ATP2A3: variants seen among roughly 807,000 people sequenced by gnomAD.
ATP2A3 encodes sarcoplasmic/endoplasmic reticulum calcium ATPase 3.
A neutral mutation model predicts 106.8 loss-of-function variants in ATP2A3; 61 were observed. The observed-to-expected ratio is 0.57, with a 90% CI of 0.46 to 0.71. The LOEUF (loss-of-function observed/expected upper bound fraction) is 0.71. Among genes scored for constraint, ATP2A3 ranks in the 30% least tolerant of loss-of-function variants. ATP2A3 has a pLI of 0.00. For missense variants in ATP2A3, 1,201 were observed against 1,423.5 expected, an observed-to-expected ratio of 0.84 and a Z score of 2.52; for synonymous variants, 611 against 609.3, an observed-to-expected ratio of 1.00 and a Z score of -0.04.
In ATP2A3 at chr17:3,925,283, G is replaced by C; in HGVS notation, c.*139C>G. The C allele has an allele frequency of 6.8e-7, 1 of 1,466,716 alleles. No homozygotes were observed. The highest frequency in any genetic ancestry group is 9.4e-7 in the Non-Finnish European group (1 of 1,064,178). The allele number at this position is 1,466,716 out of a possible 1,614,324, so 90.9% of individuals were successfully genotyped here. On this transcript the variant is annotated 3_prime_UTR_variant, in exon 21 of 21. Transcript: ENST00000397041. The surrounding 1 kb of genome is among the most constrained non-coding windows in gnomAD (Gnocchi z 4.2). ...GACGGGGCCCGGGGATGGCCATTCTGACCTCGGGCCTGTCATTTATCCGGC... is the reference window on the plus strand; with the variant it reads ...GACGGGGCCCGGGGATGGCCATTCTCACCTCGGGCCTGTCATTTATCCGGC...
At position 3,951,357 on chromosome 17, in the gene ATP2A3, C is replaced by T. The variant is rs746917036; in HGVS notation, c.357G>A (p.Leu119=). Residue 119 remains leucine, a synonymous_variant, in exon 5 of 21, where the codon CTG becomes CTA. Transcript: ENST00000397041. ...TGCCCATCTCAGGCTCATACTCCTT[C>T]AGGGCCTCGATGGCACTCTCGGCGT... ...ERNAESAIEA[L]KEYEPEMGKV... 26 of 1,613,734 alleles carry T rather than the reference C, an allele frequency of 1.6e-5. No individual in the cohort carries two copies. The highest frequency in any genetic ancestry group is 2.2e-5 in the Non-Finnish European group (26 of 1,179,926).
At chr17:3,941,747 G>A (rs1047737062) in intron 12 of ATP2A3, 93 bp from the exon 13 acceptor site, 8 of 1,344,646 alleles carry the variant, frequency 5.9e-6, no homozygotes, top group African/African-American at 2.9e-5. Flanking sequence ...ACTAAGATAC[G>A]GGCAAAGGCC....
Position 3,925,513 on chromosome 17 carries a change from C to T in ATP2A3, c.2981-72G>A. On this transcript the variant is annotated intron_variant, in intron 20 of 20. Transcript: ENST00000397041. The surrounding 1 kb of genome is among the most constrained non-coding windows in gnomAD (Gnocchi z 4.2). ...CACATCCAGACAGCTTCCTTCCAGC[C>T]CCTTCCATCCTCCACTTCTCCCAGG... 1 of 1,543,864 alleles carries T rather than the reference C, an allele frequency of 6.5e-7. No individual in the cohort carries two copies. Among genetic ancestry groups the T allele is most frequent in the Non-Finnish European group, 8.8e-7 (1 of 1,139,884 alleles).
chr17:3,945,038 C>T lies in ATP2A3; in HGVS notation c.1184+22G>A, dbSNP rs200337823. 59 of 1,499,720 alleles carry T rather than the reference C, an allele frequency of 3.9e-5. No individual in the cohort carries two copies. The East Asian group carries it at 1.5e-3, about 38-fold the overall frequency. 92.9% of individuals were successfully genotyped at this position (1,499,720 alleles called of 1,614,324 possible). A position where few individuals can be genotyped will look rare whatever the true frequency, so the allele number is the denominator to read the frequency against. On this transcript the variant is annotated intron_variant, in intron 9 of 20. Coordinates refer to ENST00000397041, the MANE Select transcript of ATP2A3 (RefSeq NM_005173.4). ...CCCGCCCCCAGGCCGCCCGCCCGCGCGTCCCCTGGCCCCGCACTCACACTT... is the reference window on the plus strand; with the variant it reads ...CCCGCCCCCAGGCCGCCCGCCCGCGTGTCCCCTGGCCCCGCACTCACACTT...
intron 1 of ATP2A3, among the ~76,000 whole-genome samples, chr17:3,956,143 A>G (rs1250390081): frequency 6.6e-6 from 1 of 151,944 alleles, no homozygotes; most frequent in Non-Finnish European, 1.5e-5. Context: ...CGGCCTCCCA[A>G]AGTGCTGGGA....
rs186381844 is a variant in ATP2A3 at position 3,950,140 on chromosome 17, C to A, written c.630+371G>T. On this transcript the variant is annotated intron_variant, in intron 7 of 20. Transcript: ENST00000397041. The stretch of plus-strand genomic sequence containing the variant: ...TCGTACCACTGCACTCCAGCATGGG[C>A]AACAGGGCCAGAAAAAAAAATATTT... Among the ~76,000 whole-genome samples the A allele has an allele frequency of 4.5e-4, 68 of 149,654 alleles. 1 individual carries two copies. In the East Asian group the frequency reaches 7.3e-3, roughly 16 times the overall value.
chr17:3,944,991 C>G, intron 9 of ATP2A3, 69 bp downstream of exon 9: 1 of 1,351,156 alleles, frequency 7.4e-7, no homozygotes, highest in Non-Finnish European at 9.6e-7. Flanking sequence ...CCCACGGCCA[C>G]CTCGGCGCCG....
rs181567510 is a variant in ATP2A3 at position 3,925,493 on chromosome 17, C to T, written c.2981-52G>A. 3 of 1,583,256 alleles carry T rather than the reference C, an allele frequency of 1.9e-6. No homozygotes were observed. The highest frequency in any genetic ancestry group is 1.7e-6 in the Non-Finnish European group (2 of 1,164,248). On this transcript the variant is annotated intron_variant, in intron 20 of 20. Coordinates refer to ENST00000397041, the MANE Select transcript of ATP2A3 (RefSeq NM_005173.4). The surrounding 1 kb of genome is among the most constrained non-coding windows in gnomAD (Gnocchi z 4.2). ...AAGATGTATGTGTAAGGGCACACATCCAGACAGCTTCCTTCCAGCCCCTTC... is the reference window on the plus strand; with the variant it reads ...AAGATGTATGTGTAAGGGCACACATTCAGACAGCTTCCTTCCAGCCCCTTC...
In ATP2A3 at chr17:3,925,546, C is replaced by A. The variant is rs1029589058; in HGVS notation, c.2981-105G>T. The A allele has an allele frequency of 8.3e-6, 12 of 1,438,032 alleles. No homozygotes were observed. The highest frequency in any genetic ancestry group is 1.1e-5 in the Non-Finnish European group (12 of 1,053,860). 89.1% of individuals were successfully genotyped at this position (1,438,032 alleles called of 1,614,324 possible). A position where few individuals can be genotyped will look rare whatever the true frequency, so the allele number is the denominator to read the frequency against. ...TCCTCCACTTCTCCCAGGACAGCCC[C>A]AGGCTCCCAAGGCCTCCCTTAGTCC... On this transcript the variant is annotated intron_variant, in intron 20 of 20. Coordinates refer to ENST00000397041, the MANE Select transcript of ATP2A3 (RefSeq NM_005173.4). This position sits in a 1 kb window ranked among gnomAD's most constrained non-coding sequence, Gnocchi z 4.2.
At chr17:3,946,558 CA>C (rs764033098) in intron 8 of ATP2A3, among the ~76,000 whole-genome samples, 21 of 144,554 alleles carry the variant, frequency 1.5e-4, no homozygotes, top group African/African-American at 3.3e-4. Flanking sequence ...GACTCTGCCT[CA>C]AAAAAAAAAA....
rs566682636 is a variant in ATP2A3 at position 3,953,438 on chromosome 17, G to A, written c.137-9C>T. On this transcript the variant is annotated splice_polypyrimidine_tract_variant and intron_variant, in intron 2 of 20. Coordinates refer to ENST00000397041, the MANE Select transcript of ATP2A3 (RefSeq NM_005173.4). The surrounding 1 kb of genome is among the most constrained non-coding windows in gnomAD (Gnocchi z 5.1). Reference sequence around the variant, plus strand: ...CTCCCACAGGGACTTCCCTGGGAACGGGGGTCATGTGTGAGGCTGGGCCCC... The same window carrying A: ...CTCCCACAGGGACTTCCCTGGGAACAGGGGTCATGTGTGAGGCTGGGCCCC... The A allele has an allele frequency of 1.4e-5, 23 of 1,613,690 alleles. No homozygotes were observed. The East Asian group carries it at 2.2e-4, about 16-fold the overall frequency.
rs534840652 is a variant in ATP2A3 at position 3,929,872 on chromosome 17, G to A, written c.2745-427C>T. Among the ~76,000 whole-genome samples the A allele has an allele frequency of 2.3e-4, 32 of 139,546 alleles. No homozygotes were observed. Among genetic ancestry groups the A allele is most frequent in the Admixed American group, 4.8e-4 (7 of 14,604 alleles). 91.5% of individuals were successfully genotyped at this position (139,546 alleles called of 152,430 possible). ...TCAGTCCTGGACTCCCCTGACCCCT[G>A]GAACCCAATCCTGGACCCTTGACCC... On this transcript the variant is annotated intron_variant, in intron 18 of 20. Coordinates refer to ENST00000397041, the MANE Select transcript of ATP2A3 (RefSeq NM_005173.4). The surrounding 1 kb of genome is among the most constrained non-coding windows in gnomAD (Gnocchi z 4.3).
intron 8 of ATP2A3, among the ~76,000 whole-genome samples, chr17:3,946,853 G>A (rs1409710568): frequency 6.6e-6 from 1 of 152,198 alleles, no homozygotes; most frequent in Non-Finnish European, 1.5e-5. Context: ...CTGCCCCATG[G>A]GCCTGCTGAA....
At chr17:3,944,657 C>A (rs371068691) in intron 10 of ATP2A3, 47 bp downstream of exon 10, 16 of 1,584,206 alleles carry the variant, frequency 1.0e-5, no homozygotes, top group Non-Finnish European at 1.3e-5. Flanking sequence ...AGGGTCTGTC[C>A]TGGTCGCCTG....
intron 1 of ATP2A3, among the ~76,000 whole-genome samples, chr17:3,958,520 T>C (rs1020692403): frequency 6.6e-6 from 1 of 152,004 alleles, no homozygotes; most frequent in African/African-American, 2.4e-5. Flanking sequence ...TGTCCCCACC[T>C]GCCCTTCTAG....
At position 3,958,803 on chromosome 17, in the gene ATP2A3, C is replaced by CACACACACATATATAT. The variant is rs1360510865; in HGVS notation, c.119-5094_119-5093insATATATATGTGTGTGT. Among the ~76,000 whole-genome samples, 53 of 116,064 alleles carry CACACACACATATATAT rather than the reference C, an allele frequency of 4.6e-4. 2 individuals carry two copies. Among genetic ancestry groups the CACACACACATATATAT allele is most frequent in the Admixed American group, 1.0e-3 (12 of 11,462 alleles). 76.1% of individuals were successfully genotyped at this position (116,064 alleles called of 152,430 possible). A position where few individuals can be genotyped will look rare whatever the true frequency, so the allele number is the denominator to read the frequency against. On this transcript the variant is annotated intron_variant, in intron 1 of 20. Transcript: ENST00000397041. ...ACACATATATATACACATATATATA[C>CACACACACATATATAT]ACACATATATATATACACACATATA...
chr17:3,961,619 A>G (rs938238453), intron 1 of ATP2A3, among the ~76,000 whole-genome samples: 1 of 152,214 alleles, frequency 6.6e-6, no homozygotes, highest in African/African-American at 2.4e-5. Flanking sequence ...GTTTCCAACA[A>G]TAACGACCTT....
At chr17:3,943,560 C>G in intron 10 of ATP2A3, 38 bp from the exon 11 acceptor site, 1 of 1,613,130 alleles carries the variant, frequency 6.2e-7, no homozygotes, top group Non-Finnish European at 8.5e-7. Context: ...GAGGGGCAGG[C>G]AGCCTCCAGC....
At chr17:3,940,509 G>GTTA (rs1206025661) in intron 14 of ATP2A3, among the ~76,000 whole-genome samples, 3 of 152,096 alleles carry the variant, frequency 2.0e-5, no homozygotes, top group African/African-American at 7.2e-5. Flanking sequence ...AATTAGTATT[G>GTTA]TTATTATTAT....
Sources: gnomAD v4.1 joint callset for allele counts (sites outside exome capture counted in the v4.1 genomes callset) on GRCh38, gnomAD v4.1.1 for gene constraint, Gnocchi (gnomAD v3.1) non-coding constraint, MANE v1.5 for transcripts, NCBI Gene and HGNC (gene_info 2026-07-23, HGNC 2026-07-21) for gene names.